The following VAT1L variants were observed in gnomAD, a reference collection of about 807,000 sequenced individuals.
VAT1L encodes vesicle amine transport 1 like.
VAT1L carries 34 observed loss-of-function variants against 44.1 expected under a neutral mutation model. The observed-to-expected ratio is 0.77, with a 90% CI of 0.59 to 1.03. The LOEUF is 1.03. Ranked by LOEUF, VAT1L falls within the 50% of genes least tolerant of loss-of-function variation. VAT1L has a pLI of 0.00. For synonymous variants in VAT1L, 253 were observed against 202.2 expected, an observed-to-expected ratio of 1.25 and a Z score of -2.13; for missense variants, 615 against 538.8, an observed-to-expected ratio of 1.14 and a Z score of -1.40.
chr16:77,960,971 T>A (rs1449849043), intron 7 of VAT1L, among the ~76,000 whole-genome samples: 1 of 152,016 alleles, frequency 6.6e-6, no homozygotes, highest in East Asian at 1.9e-4. Flanking sequence ...ATGGCATGAG[T>A]TCAGCTCCAA....
At position 77,873,895 on chromosome 16, in the gene VAT1L, C is replaced by T. The variant is rs76967533; in HGVS notation, c.723-2475C>T. Among the ~76,000 whole-genome samples, 843 of 152,186 alleles carry T rather than the reference C, an allele frequency of 5.5e-3. 7 individuals carry two copies. Among genetic ancestry groups the T allele is most frequent in the African/African-American group, 0.019 (769 of 41,540 alleles). ...CTAGGGACAATCAAAAGGCCAAATG[C>T]CTTGAGCTGTGGGTGGGAGGTGAAG... On this transcript the variant is annotated intron_variant, in intron 4 of 8. Transcript: ENST00000302536.
At chr16:77,843,600 T>C (rs1156829788) in intron 3 of VAT1L, among the ~76,000 whole-genome samples, 1 of 152,146 alleles carries the variant, frequency 6.6e-6, no homozygotes, top group Non-Finnish European at 1.5e-5. Flanking sequence ...CGGGAAATAT[T>C]TTAAGCCTCA....
chr16:77,850,520 T>C (rs955044970), intron 3 of VAT1L, among the ~76,000 whole-genome samples: 4 of 152,132 alleles, frequency 2.6e-5, no homozygotes, highest in African/African-American at 9.7e-5. Context: ...TAAGACACAG[T>C]TTATGCCTGT....
chr16:77,834,851 G>T (rs541674220), intron 3 of VAT1L, among the ~76,000 whole-genome samples: 2 of 152,066 alleles, frequency 1.3e-5, no homozygotes, highest in African/African-American at 4.8e-5. Context: ...GCTTACCACC[G>T]CGAGCAAAAT....
intron 4 of VAT1L, among the ~76,000 whole-genome samples, chr16:77,873,591 G>T (rs1315777665): frequency 6.6e-6 from 1 of 152,134 alleles, no homozygotes; most frequent in Non-Finnish European, 1.5e-5. Context: ...GCACAAACAT[G>T]GTCCAAGGGG....
intron 1 of VAT1L, among the ~76,000 whole-genome samples, chr16:77,802,440 G>A (rs530222170): frequency 2.0e-5 from 3 of 151,944 alleles, no homozygotes; most frequent in African/African-American, 7.2e-5. Context: ...GATGGTAAAA[G>A]CCCGTCTCTA....
chr16:77,967,841 G>A (rs929361667), intron 7 of VAT1L, among the ~76,000 whole-genome samples: 3 of 152,130 alleles, frequency 2.0e-5, no homozygotes, highest in Non-Finnish European at 4.4e-5. Context: ...GATCTATGAC[G>A]TGAGACACTA....
chr16:77,969,130 T>C (rs2142542370), intron 7 of VAT1L, among the ~76,000 whole-genome samples: 1 of 152,322 alleles, frequency 6.6e-6, no homozygotes, highest in Admixed American at 6.5e-5. Context: ...GATATTATTA[T>C]CTTTAAAGCA....
Position 77,843,970 on chromosome 16 carries a change from A to G in VAT1L, c.579+18509A>G, listed in dbSNP as rs142857952. On this transcript the variant is annotated intron_variant, in intron 3 of 8. Transcript: ENST00000302536. ...TGGGTCACCCAGCAGATCTTTACTG[A>G]GCATGTACTATGAGCCAGGTGGCAT... 4.6e-3 allele frequency among the ~76,000 whole-genome samples: 693 copies of G among 152,276 alleles called. 3 individuals carry two copies. Among genetic ancestry groups the G allele is most frequent in the South Asian group, 0.012 (57 of 4,830 alleles).
At chr16:77,907,761 G>T (rs979183522) in intron 7 of VAT1L, among the ~76,000 whole-genome samples, 8 of 152,116 alleles carry the variant, frequency 5.3e-5, no homozygotes, top group African/African-American at 1.9e-4. Context: ...CCCCTATCCT[G>T]CAGGGAGGAG....
chr16:77,824,276 A>C (rs926511276), intron 2 of VAT1L, among the ~76,000 whole-genome samples: 1 of 152,176 alleles, frequency 6.6e-6, no homozygotes, highest in Non-Finnish European at 1.5e-5. Flanking sequence ...CAGAGTTTCA[A>C]GGAATGGGTT....
intron 7 of VAT1L, among the ~76,000 whole-genome samples, chr16:77,944,708 T>A (rs1336670171): frequency 6.6e-6 from 1 of 152,236 alleles, no homozygotes; most frequent in Non-Finnish European, 1.5e-5. Flanking sequence ...TTATACTGCC[T>A]ACAGTAGTCA....
At chr16:77,798,726 G>A (rs1160134391) in intron 1 of VAT1L, among the ~76,000 whole-genome samples, 1 of 152,134 alleles carries the variant, frequency 6.6e-6, no homozygotes, top group African/African-American at 2.4e-5. Context: ...AACAGGATAT[G>A]CCACTGTGTC....
chr16:77,899,078 C>G (rs1340905327), intron 7 of VAT1L, among the ~76,000 whole-genome samples: 2 of 152,232 alleles, frequency 1.3e-5, no homozygotes. Flanking sequence ...GAGCCAGGCA[C>G]TGTGCTGAGC....
intron 3 of VAT1L, among the ~76,000 whole-genome samples, chr16:77,861,263 T>C (rs1311993192): frequency 1.3e-5 from 2 of 152,182 alleles, no homozygotes; most frequent in Non-Finnish European, 1.5e-5. Context: ...AAATGGCAGA[T>C]GGAACACCAG....
At chr16:77,854,029 G>C (rs747008206) in intron 3 of VAT1L, among the ~76,000 whole-genome samples, 1 of 151,936 alleles carries the variant, frequency 6.6e-6, no homozygotes, top group African/African-American at 2.4e-5. Flanking sequence ...TTGAGCAGCT[G>C]AGGCAAGAAA....
chr16:77,945,407 C>G (rs1474952913), intron 7 of VAT1L, among the ~76,000 whole-genome samples: 1 of 150,994 alleles, frequency 6.6e-6, no homozygotes, highest in Non-Finnish European at 1.5e-5. Flanking sequence ...CCACCTCAGT[C>G]TCCTGAGTAA....
intron 1 of VAT1L, among the ~76,000 whole-genome samples, chr16:77,812,325 G>A (rs537777877): frequency 3.0e-4 from 46 of 152,132 alleles, no homozygotes; most frequent in African/African-American, 7.5e-4. Context: ...CACCTGTCTC[G>A]GCCTCCCAAA....
chr16:77,815,900 G>A (rs1400757244), intron 1 of VAT1L, among the ~76,000 whole-genome samples: 2 of 151,524 alleles, frequency 1.3e-5, no homozygotes, highest in African/African-American at 4.8e-5. Flanking sequence ...CCCGGGAGGT[G>A]GAGGTTGCAG....
Sources: allele counts gnomAD v4.1 joint callset (sites outside exome capture counted in the v4.1 genomes callset), GRCh38; gene constraint gnomAD v4.1.1; transcripts MANE v1.5; gene names NCBI Gene and HGNC (gene_info 2026-07-23, HGNC 2026-07-21).